ANXA3: variants seen among roughly 807,000 people sequenced by gnomAD.
ANXA3 encodes annexin A3, also known as 35-alpha calcimedin.
Under a neutral mutation model 48.8 loss-of-function variants are expected in ANXA3, and 46 were observed. That is an observed-to-expected ratio of 0.94 (90% CI 0.74 to 1.21). The LOEUF is 1.21. Among genes scored for constraint, ANXA3 ranks in the 50% most tolerant of loss-of-function variants. The probability of loss-of-function intolerance (pLI) is 0.00; values close to 1 mark genes in which losing one functional copy is unlikely to be tolerated. For synonymous variants in ANXA3, 128 were observed against 134.7 expected (o/e 0.95, Z 0.35); for missense variants, 383 against 378.6 (o/e 1.01, Z -0.10).
At chr4:78,573,828 G>C (rs1722891756) in intron 3 of ANXA3, among the ~76,000 whole-genome samples, 1 of 152,116 alleles carries the variant, frequency 6.6e-6, no homozygotes, top group African/African-American at 2.4e-5. Context: ...GGCACTGGTG[G>C]GTGTGTGATT....
intron 2 of ANXA3, among the ~76,000 whole-genome samples, chr4:78,555,722 G>A (rs12650752): frequency 0.72 from 108,478 of 151,030 alleles, 39,914 homozygotes; most frequent in East Asian, 0.88. Flanking sequence ...GTTGTGGGGT[G>A]TACCCATGGT....
chr4:78,604,962 T>A (rs1313548112), intron 12 of ANXA3, among the ~76,000 whole-genome samples: 1 of 152,194 alleles, frequency 6.6e-6, no homozygotes, highest in African/African-American at 2.4e-5. Flanking sequence ...TACGAGTGTA[T>A]CTTTGGGATG....
intron 2 of ANXA3, among the ~76,000 whole-genome samples, chr4:78,555,191 T>C (rs1471933847): frequency 6.6e-6 from 1 of 152,030 alleles, no homozygotes; most frequent in African/African-American, 2.4e-5. Flanking sequence ...AGAGACAGAG[T>C]GAGACTCCGT....
chr4:78,598,628 C>T (rs1560450776), intron 10 of ANXA3, among the ~76,000 whole-genome samples: 1 of 152,100 alleles, frequency 6.6e-6, no homozygotes, highest in Non-Finnish European at 1.5e-5. Context: ...CAACCTCCGC[C>T]TTCCAGGTTC....
At chr4:78,606,374 C>T (rs1046316222) in intron 12 of ANXA3, among the ~76,000 whole-genome samples, 8 of 152,242 alleles carry the variant, frequency 5.3e-5, no homozygotes, top group African/African-American at 1.9e-4. Flanking sequence ...GCTGATTAGA[C>T]CCCCTAAGCT....
At chr4:78,581,675 C>G (rs907453916) in intron 4 of ANXA3, among the ~76,000 whole-genome samples, 2 of 152,124 alleles carry the variant, frequency 1.3e-5, no homozygotes, top group African/African-American at 4.8e-5. Flanking sequence ...CTTTTCTTTA[C>G]TTGTTGCCAG....
chr4:78,567,665 A>T (rs1441062885), intron 2 of ANXA3, among the ~76,000 whole-genome samples: 1 of 152,256 alleles, frequency 6.6e-6, no homozygotes, highest in Admixed American at 6.5e-5. Flanking sequence ...GCAGTGAAGA[A>T]AGGCAAATAA....
intron 12 of ANXA3, among the ~76,000 whole-genome samples, chr4:78,607,631 C>A (rs1337548616): frequency 6.6e-6 from 1 of 152,034 alleles, no homozygotes; most frequent in Non-Finnish European, 1.5e-5. Flanking sequence ...ATAGTAGCCA[C>A]TCACAATCAA....
intron 2 of ANXA3, among the ~76,000 whole-genome samples, chr4:78,568,238 T>A (rs1003952877): frequency 6.6e-6 from 1 of 152,250 alleles, no homozygotes; most frequent in Non-Finnish European, 1.5e-5. Context: ...AAACTTTCTT[T>A]GGTTTTGAAA....
In ANXA3 at chr4:78,573,265, T is replaced by C. The variant is rs1240477841; in HGVS notation, c.101T>C (p.Ile34Thr). Residue 34 changes from isoleucine (I) to threonine (T), a missense_variant and splice_region_variant, in exon 3 of 13, where the codon ATT (isoleucine) becomes ACT (threonine). Coordinates refer to ENST00000264908, the MANE Select transcript of ANXA3 (RefSeq NM_005139.3). ...GCTATTCAGAAAGCAATCAGAGGAA[T>C]TGGTGAGTGATATTTTACAATTCCT... ...AEAIQKAIRG[I>T]GTDEKMLISI... 9 of 1,606,434 alleles carry C rather than the reference T, an allele frequency of 5.6e-6. No homozygotes were observed. The highest frequency in any genetic ancestry group is 1.3e-5 in the African/African-American group (1 of 74,676).
At chr4:78,606,630 C>A (rs564087628) in intron 12 of ANXA3, among the ~76,000 whole-genome samples, 3 of 152,282 alleles carry the variant, frequency 2.0e-5, no homozygotes, top group Admixed American at 2.0e-4. Flanking sequence ...GGTCTTTCTG[C>A]AGCTATCTTG....
chr4:78,610,127 A>T lies in ANXA3; in HGVS notation c.*12A>T. On this transcript the variant is annotated 3_prime_UTR_variant, in exon 13 of 13. Transcript: ENST00000264908. ...GTGGAGATGACTGAACCAAGAAGAT[A>T]ATCTCCAAAGGTCCACGATGGGCTT... 3.7e-6 allele frequency: 6 copies of T among 1,603,872 alleles called. No individual in the cohort carries two copies. The highest frequency in any genetic ancestry group is 5.1e-6 in the Non-Finnish European group (6 of 1,172,570).
intron 2 of ANXA3, among the ~76,000 whole-genome samples, chr4:78,563,968 T>A (rs1227450826): frequency 6.6e-6 from 1 of 152,204 alleles, no homozygotes; most frequent in Non-Finnish European, 1.5e-5. Context: ...GAGAATTTGG[T>A]CAAGAACTCT....
At chr4:78,569,188 A>G (rs1414370378) in intron 2 of ANXA3, among the ~76,000 whole-genome samples, 2 of 152,124 alleles carry the variant, frequency 1.3e-5, no homozygotes, top group African/African-American at 2.4e-5. Context: ...TTTTGGAGGC[A>G]TCTGAAGGTC....
At chr4:78,573,119 A>C (rs770823705) in intron 2 of ANXA3, 61 bp from the exon 3 acceptor site, 1 of 1,202,312 alleles carries the variant, frequency 8.3e-7, no homozygotes, top group Admixed American at 1.7e-5. Context: ...AGGAATATGC[A>C]TATGTAATAC....
intron 3 of ANXA3, among the ~76,000 whole-genome samples, chr4:78,578,298 C>CGAGAGAGAGAGAGAGAGAGAGAGA (rs1220106430): frequency 4.1e-4 from 19 of 46,514 alleles, no homozygotes; most frequent in South Asian, 9.6e-4. Flanking sequence ...AGAGAGAGAG[C>CGAGAGAGAGAGAGAGAGAGAGAGA]GAGAGAGAGA....
intron 2 of ANXA3, among the ~76,000 whole-genome samples, chr4:78,557,383 C>G (rs756047998): frequency 1.3e-5 from 2 of 152,204 alleles, no homozygotes; most frequent in African/African-American, 4.8e-5. Context: ...CTGGATAACA[C>G]GGGCTAATCC....
rs11542067 is a variant in ANXA3 at position 78,595,847 on chromosome 4, T to C, written c.594T>C (p.Thr198=). Residue 198 remains threonine, a synonymous_variant, in exon 9 of 13, where the codon ACT becomes ACC. Coordinates refer to ENST00000264908, the MANE Select transcript of ANXA3 (RefSeq NM_005139.3). ...NRWGTDEDKF[T]EILCLRSFPQ... is the part of the protein sequence containing the mutation. Reference sequence around the variant, plus strand: ...GGGGCACGGATGAAGACAAATTCACTGAGATCCTGTGTTTAAGGAGCTTTC... The same window carrying C: ...GGGGCACGGATGAAGACAAATTCACCGAGATCCTGTGTTTAAGGAGCTTTC... The C allele has an allele frequency of 1.2e-6, 2 of 1,609,738 alleles. No homozygotes were observed. Among genetic ancestry groups the C allele is most frequent in the South Asian group, 1.1e-5 (1 of 90,966 alleles).
At chr4:78,559,399 A>T (rs1470682230) in intron 2 of ANXA3, among the ~76,000 whole-genome samples, 1 of 152,156 alleles carries the variant, frequency 6.6e-6, no homozygotes, top group Non-Finnish European at 1.5e-5. Context: ...AAATTTTTTT[A>T]AATTAACTCA....
Sources: gnomAD v4.1 joint callset for allele counts (sites outside exome capture counted in the v4.1 genomes callset) on GRCh38, gnomAD v4.1.1 for gene constraint, MANE v1.5 for transcripts, NCBI Gene and HGNC (gene_info 2026-07-23, HGNC 2026-07-21) for gene names.